The following CNTN5 variants were observed in gnomAD, a reference collection of about 807,000 sequenced individuals.
The protein encoded by CNTN5 is contactin 5.
CNTN5 carries 77 observed loss-of-function variants against 129.1 expected under a neutral mutation model. That is an observed-to-expected ratio of 0.60 (90% confidence interval 0.50 to 0.72). The LOEUF (loss-of-function observed/expected upper bound fraction) is 0.72, where lower values mean the gene tolerates loss of function less well. Ranked by LOEUF, CNTN5 falls within the 30% of genes least tolerant of loss-of-function variation. CNTN5 has a pLI of 0.00. For missense variants in CNTN5, 1,478 were observed against 1,328.8 expected (o/e 1.11, Z -1.75); for synonymous variants, 509 against 465.6 (o/e 1.09, Z -1.20).
intron 13 of CNTN5, among the ~76,000 whole-genome samples, chr11:100,123,326 C>CTA (rs1401118232): frequency 2.0e-5 from 3 of 151,776 alleles, no homozygotes; most frequent in Non-Finnish European, 4.4e-5. Context: ...TTTTATATCT[C>CTA]TATATATGTC....
At chr11:99,998,975 C>G (rs1239839334) in intron 8 of CNTN5, among the ~76,000 whole-genome samples, 1 of 150,226 alleles carries the variant, frequency 6.7e-6, no homozygotes, top group Non-Finnish European at 1.5e-5. Flanking sequence ...GAAACTGGAT[C>G]CCTTCCTTAC....
intron 2 of CNTN5, among the ~76,000 whole-genome samples, chr11:99,399,972 C>T (rs1941716048): frequency 6.6e-6 from 1 of 152,022 alleles, no homozygotes; most frequent in African/African-American, 2.4e-5. Context: ...TATCTATCCC[C>T]TCAAGTATTT....
rs968916244 is a variant in CNTN5, at chr11:100,314,490, T to C, written c.2730+6022T>C. Among the ~76,000 whole-genome samples the C allele has an allele frequency of 2.0e-5, 3 of 152,242 alleles. No individual in the cohort carries two copies. In the South Asian group the frequency reaches 6.2e-4, roughly 32 times the overall value. On this transcript the variant is annotated intron_variant, in intron 21 of 24. Coordinates refer to ENST00000524871, the MANE Select transcript of CNTN5 (RefSeq NM_014361.4). Reference sequence around the variant, plus strand: ...TAGAATATGTTTTCTGTCAAGTCCATACCCATGTTCCACTTTGAAATTGAT... The same window carrying C: ...TAGAATATGTTTTCTGTCAAGTCCACACCCATGTTCCACTTTGAAATTGAT...
chr11:99,623,990 C>T (rs2135775451), intron 3 of CNTN5, among the ~76,000 whole-genome samples: 1 of 152,096 alleles, frequency 6.6e-6, no homozygotes, highest in South Asian at 2.1e-4. Flanking sequence ...CAGTTGTTAA[C>T]TTTGTTGATC....
At chr11:99,650,806 G>T (rs1458233734) in intron 3 of CNTN5, among the ~76,000 whole-genome samples, 1 of 151,706 alleles carries the variant, frequency 6.6e-6, no homozygotes, top group Non-Finnish European at 1.5e-5. Context: ...CACATTTATG[G>T]GGTACATGGT....
chr11:99,905,534 T>C (rs2135966481), intron 6 of CNTN5, among the ~76,000 whole-genome samples: 1 of 152,308 alleles, frequency 6.6e-6, no homozygotes, highest in South Asian at 2.1e-4. Flanking sequence ...GCTGTTTTGG[T>C]TACTGTAGCC....
At chr11:99,833,246 G>A (rs898463880) in intron 4 of CNTN5, among the ~76,000 whole-genome samples, 56 of 152,090 alleles carry the variant, frequency 3.7e-4, no homozygotes, top group South Asian at 2.1e-4. Context: ...AGAGAGGACC[G>A]GACACTAACT....
chr11:100,044,813 G>C (rs563643414), intron 9 of CNTN5, among the ~76,000 whole-genome samples: 1 of 151,788 alleles, frequency 6.6e-6, no homozygotes, highest in South Asian at 2.1e-4. Context: ...TCATTTCGTT[G>C]ATCTTCATTT....
chr11:99,755,255 T>C (rs1185691882), intron 3 of CNTN5, among the ~76,000 whole-genome samples: 1 of 152,218 alleles, frequency 6.6e-6, no homozygotes, highest in African/African-American at 2.4e-5. Context: ...AGTGCAATTG[T>C]TGAATTGTAT....
chr11:100,234,805 A>T (rs1264877600), intron 16 of CNTN5, among the ~76,000 whole-genome samples: 1 of 150,610 alleles, frequency 6.6e-6, no homozygotes, highest in Non-Finnish European at 1.5e-5. Context: ...AAAAAAAAAA[A>T]AAAAAAAAAA....
chr11:99,579,114 C>A (rs1484001977), intron 3 of CNTN5, among the ~76,000 whole-genome samples: 1 of 152,084 alleles, frequency 6.6e-6, no homozygotes, highest in Non-Finnish European at 1.5e-5. Context: ...TTGTTTTTGT[C>A]AGGTTTGTCA....
chr11:100,289,850 T>C (rs1950912916), intron 18 of CNTN5, among the ~76,000 whole-genome samples: 1 of 149,518 alleles, frequency 6.7e-6, no homozygotes, highest in Non-Finnish European at 1.5e-5. Context: ...TGATTGTATA[T>C]CTAGAAAACC....
chr11:99,415,306 G>T (rs1367162396), intron 2 of CNTN5, among the ~76,000 whole-genome samples: 2 of 147,142 alleles, frequency 1.4e-5, no homozygotes, highest in Non-Finnish European at 3.0e-5. Context: ...GAGTAGAAAT[G>T]TGACTGGATA....
At chr11:99,347,421 G>T (rs535339424) in intron 2 of CNTN5, among the ~76,000 whole-genome samples, 5 of 152,190 alleles carry the variant, frequency 3.3e-5, no homozygotes, top group Admixed American at 2.0e-4. Flanking sequence ...AGAAACAAAA[G>T]TAATTAATAT....
rs375821540 is a variant in CNTN5 at position 100,150,010 on chromosome 11, A to G, written c.1581-41116A>G. Among the ~76,000 whole-genome samples the G allele has an allele frequency of 2.0e-5, 3 of 152,296 alleles. No homozygotes were observed. The South Asian group carries it at 6.2e-4, about 32-fold the overall frequency. ...TAATCCAAACAAACTGTGATATTCT[A>G]CCAATATAAACAGGAGAAAAGTACT... On this transcript the variant is annotated intron_variant, in intron 13 of 24. Transcript: ENST00000524871.
At chr11:99,219,896 T>C (rs905099536) in intron 1 of CNTN5, among the ~76,000 whole-genome samples, 4 of 151,960 alleles carry the variant, frequency 2.6e-5, no homozygotes, top group African/African-American at 7.2e-5. Context: ...CTCTGCCTTA[T>C]TGAAATAGCT....
chr11:100,247,028 C>T (rs940837458), intron 16 of CNTN5, among the ~76,000 whole-genome samples: 5 of 152,146 alleles, frequency 3.3e-5, no homozygotes, highest in Non-Finnish European at 7.3e-5. Context: ...AAAGTTTTCA[C>T]TGTGATTTCA....
intron 2 of CNTN5, among the ~76,000 whole-genome samples, chr11:99,358,182 A>G (rs11219586): frequency 1.5e-5 from 2 of 129,406 alleles, no homozygotes; most frequent in African/African-American, 2.8e-5. Flanking sequence ...TCCGCCTCCC[A>G]GGTTCACGCC....
At chr11:99,560,359 C>T (rs1217975626) in intron 3 of CNTN5, among the ~76,000 whole-genome samples, 1 of 151,456 alleles carries the variant, frequency 6.6e-6, no homozygotes. Flanking sequence ...GTGAAGCTAT[C>T]TCAGCTCACT....
Sources: gnomAD v4.1 joint callset for allele counts (sites outside exome capture counted in the v4.1 genomes callset) on GRCh38, gnomAD v4.1.1 for gene constraint, MANE v1.5 for transcripts, NCBI Gene and HGNC (gene_info 2026-07-23, HGNC 2026-07-21) for gene names.